ENTREP2: variants seen among roughly 807,000 people sequenced by gnomAD.
The protein encoded by ENTREP2 is protein ENTREP2.
chr15:29,325,793 A>G, the ENTREP2 span, among the ~76,000 whole-genome samples: 1 of 152,194 alleles, frequency 6.6e-6, no homozygotes, highest in Admixed American at 6.5e-5. Context: ...TACATAGAGC[A>G]TAAAAAAGGG....
chr15:29,255,869 T>C, the ENTREP2 span, among the ~76,000 whole-genome samples: 4 of 151,872 alleles, frequency 2.6e-5, no homozygotes, highest in African/African-American at 7.2e-5. Context: ...GGCATGGTGG[T>C]GGGCGCCTGT....
chr15:29,479,530 CA>C, the ENTREP2 span, among the ~76,000 whole-genome samples: 3 of 152,166 alleles, frequency 2.0e-5, no homozygotes, highest in Non-Finnish European at 1.5e-5. Flanking sequence ...CTGGACAGCA[CA>C]ACTATGGGAA....
the ENTREP2 span, among the ~76,000 whole-genome samples, chr15:29,505,256 C>T: frequency 6.6e-6 from 1 of 152,242 alleles, no homozygotes; most frequent in South Asian, 2.1e-4. This position sits in a 1 kb window ranked among gnomAD's most constrained non-coding sequence, Gnocchi z 4.3. Context: ...CAGCACCCGT[C>T]AGGGGCTTAT....
At chr15:29,197,663 G>A in the ENTREP2 span, among the ~76,000 whole-genome samples, 5 of 152,074 alleles carry the variant, frequency 3.3e-5, no homozygotes, top group African/African-American at 7.2e-5. Flanking sequence ...CTACTCAAGA[G>A]GCTGAGGCAG....
the ENTREP2 span, among the ~76,000 whole-genome samples, chr15:29,389,656 C>T: frequency 2.4e-4 from 37 of 152,304 alleles, no homozygotes; most frequent in African/African-American, 8.4e-4. Context: ...AGGCCAAGCC[C>T]CTACCTTGCC....
the ENTREP2 span, among the ~76,000 whole-genome samples, chr15:29,241,336 G>A: frequency 2.0e-5 from 3 of 152,146 alleles, no homozygotes; most frequent in African/African-American, 7.2e-5. Context: ...AAACATTGCA[G>A]ACAAATGCAT....
chr15:29,203,391 G>A, the ENTREP2 span, among the ~76,000 whole-genome samples: 1 of 152,132 alleles, frequency 6.6e-6, no homozygotes, highest in East Asian at 1.9e-4. Context: ...GACAGAGCGA[G>A]ACTCTGTCTT....
chr15:29,123,343 A>T, the ENTREP2 span: 1 of 1,528,114 alleles, frequency 6.5e-7, no homozygotes, highest in Non-Finnish European at 8.8e-7. Flanking sequence ...GCTCCTTCAT[A>T]CCTGGTCCAG....
chr15:29,223,791 G>A, the ENTREP2 span, among the ~76,000 whole-genome samples: 1 of 152,128 alleles, frequency 6.6e-6, no homozygotes, highest in African/African-American at 2.4e-5. Flanking sequence ...CCCAGTCCCT[G>A]CAACAGGAAG....
the ENTREP2 span, among the ~76,000 whole-genome samples, chr15:29,483,376 C>T: frequency 6.6e-6 from 1 of 152,262 alleles, no homozygotes; most frequent in South Asian, 2.1e-4. Flanking sequence ...TGTATTGTCC[C>T]TCTGGTGTTG....
At chr15:29,304,786 C>T in the ENTREP2 span, among the ~76,000 whole-genome samples, 1 of 152,156 alleles carries the variant, frequency 6.6e-6, no homozygotes, top group Non-Finnish European at 1.5e-5. Flanking sequence ...TCCCTCTAGC[C>T]ACAGGGCCTC....
At chr15:29,637,268 C>A in the ENTREP2 span, among the ~76,000 whole-genome samples, 1 of 152,204 alleles carries the variant, frequency 6.6e-6, no homozygotes, top group African/African-American at 2.4e-5. Flanking sequence ...AAACCCCAAA[C>A]ACTGAAATAG....
At chr15:29,200,671 G>C in the ENTREP2 span, among the ~76,000 whole-genome samples, 1 of 151,732 alleles carries the variant, frequency 6.6e-6, no homozygotes, top group Non-Finnish European at 1.5e-5. Flanking sequence ...CAATTCTCCT[G>C]CCTCAGCCTC....
the ENTREP2 span, chr15:29,123,220 C>A: frequency 9.1e-7 from 1 of 1,099,236 alleles, no homozygotes; most frequent in Non-Finnish European, 1.3e-6. Flanking sequence ...CTGGGTGTCC[C>A]CCCCACATTT....
At chr15:29,645,230 G>A in the ENTREP2 span, among the ~76,000 whole-genome samples, 3 of 152,298 alleles carry the variant, frequency 2.0e-5, no homozygotes, top group Admixed American at 6.5e-5. Context: ...CAGGGATGAT[G>A]AGACGTGAGA....
the ENTREP2 span, among the ~76,000 whole-genome samples, chr15:29,396,162 C>T: frequency 3.9e-5 from 6 of 152,102 alleles, no homozygotes; most frequent in Non-Finnish European, 8.8e-5. Flanking sequence ...ATATACAGCA[C>T]ATTATTATTA....
the ENTREP2 span, among the ~76,000 whole-genome samples, chr15:29,202,688 A>T: frequency 6.6e-6 from 1 of 151,848 alleles, no homozygotes; most frequent in African/African-American, 2.4e-5. Context: ...CCCTGTGTCC[A>T]TGTGTTCTCA....
chr15:29,500,754 G>C, the ENTREP2 span, among the ~76,000 whole-genome samples: 3 of 151,988 alleles, frequency 2.0e-5, no homozygotes, highest in Non-Finnish European at 4.4e-5. Context: ...AAAGAGATTG[G>C]AGCCAAACAG....
At chr15:29,239,318 G>A in the ENTREP2 span, among the ~76,000 whole-genome samples, 1 of 152,116 alleles carries the variant, frequency 6.6e-6, no homozygotes, top group Non-Finnish European at 1.5e-5. Context: ...GGAAAAGGGC[G>A]ACATTCTGGC....
Sources: allele counts gnomAD v4.1 joint callset (sites outside exome capture counted in the v4.1 genomes callset), GRCh38; gene constraint gnomAD v4.1.1; non-coding constraint Gnocchi (gnomAD v3.1); transcripts MANE v1.5; gene names NCBI Gene and HGNC (gene_info 2026-07-23, HGNC 2026-07-21).